ARID1B: variants seen among roughly 807,000 people sequenced by gnomAD.
ARID1B encodes AT-rich interaction domain 1B, also known as AT-rich interactive domain-containing protein 1B.
In ARID1B, 30 loss-of-function variants were observed where a neutral mutation model predicts 212.3. The ratio of observed to expected loss-of-function variants is 0.14; its 90% CI spans 0.11 to 0.19. The LOEUF is 0.19. Among genes scored for constraint, ARID1B ranks in the 10% least tolerant of loss-of-function variants. The pLI, the probability that ARID1B is intolerant of heterozygous loss-of-function variation, is 1.00. For missense variants in ARID1B, 2,891 were observed against 3,204.0 expected (o/e 0.90, Z 2.36); for synonymous variants, 1,402 against 1,301.7 (o/e 1.08, Z -1.66).
intron 1 of ARID1B, among the ~76,000 whole-genome samples, chr6:156,783,191 C>T (rs950932015): frequency 6.6e-6 from 1 of 151,812 alleles, no homozygotes. Context: ...CCATTTTTCT[C>T]AATGTCATAG....
intron 4 of ARID1B, among the ~76,000 whole-genome samples, chr6:157,059,878 A>C (rs1330907819): frequency 6.6e-6 from 1 of 152,204 alleles, no homozygotes; most frequent in Non-Finnish European, 1.5e-5. Flanking sequence ...TTTTAGAACA[A>C]GGAGGGGAAA....
intron 1 of ARID1B, among the ~76,000 whole-genome samples, chr6:156,807,940 T>C (rs1024780531): frequency 2.6e-5 from 4 of 152,206 alleles, no homozygotes; most frequent in African/African-American, 9.7e-5. Flanking sequence ...TGGGTCTGAG[T>C]CCTGCGTGAC....
intron 4 of ARID1B, among the ~76,000 whole-genome samples, chr6:156,979,042 A>G (rs1028403521): frequency 6.6e-6 from 1 of 151,994 alleles, no homozygotes; most frequent in Admixed American, 6.5e-5. Context: ...GTCAGTGCTT[A>G]TGTTTCTGTA....
intron 7 of ARID1B, among the ~76,000 whole-genome samples, chr6:157,139,615 T>G (rs1789191777): frequency 6.6e-6 from 1 of 152,072 alleles, no homozygotes; most frequent in Admixed American, 6.5e-5. Flanking sequence ...ACGCATTCGG[T>G]TCTTACCATA....
At position 156,778,359 on chromosome 6, in the gene ARID1B, G is replaced by T. The variant is rs1378319000; in HGVS notation, c.679G>T (p.Gly227Cys). Residue 227 changes from glycine (G) to cysteine (C), a missense_variant, in exon 1 of 20, where the codon GGC becomes TGC. Around this residue, in one of 7 missense-constraint regions of ARID1B, gnomAD observed 1,643 missense variants for 1,544.0 expected, o/e 1.06. Coordinates refer to ENST00000636930, the MANE Select transcript of ARID1B (RefSeq NM_001374828.1). ...ISNNNSLGGA[G>C]GGAPQPGPDM... ...CAACAACAACAGCTTGGGCGGCGCG[G>T]GCGGCGGCGCGCCTCAGCCCGGCCC... 1 of 1,540,044 alleles carries T rather than the reference G, an allele frequency of 6.5e-7. No individual in the cohort carries two copies.
At chr6:156,954,915 A>C (rs1053388647) in intron 4 of ARID1B, among the ~76,000 whole-genome samples, 2 of 152,256 alleles carry the variant, frequency 1.3e-5, no homozygotes, top group Non-Finnish European at 2.9e-5. Context: ...TGATATCCAC[A>C]ACCAAAGGGC....
At chr6:157,123,569 A>G (rs1199514901) in intron 6 of ARID1B, among the ~76,000 whole-genome samples, 4 of 152,192 alleles carry the variant, frequency 2.6e-5, no homozygotes, top group African/African-American at 9.6e-5. Context: ...AAGGCGTGCC[A>G]GGAGGCTCAC....
At position 156,917,287 on chromosome 6, in the gene ARID1B, C is replaced by T. The variant is rs932471854; in HGVS notation, c.2136+15762C>T. Among the ~76,000 whole-genome samples, 7 of 152,140 alleles carry T rather than the reference C, an allele frequency of 4.6e-5. 1 individual carries two copies. Among genetic ancestry groups the T allele is most frequent in the Admixed American group, 4.6e-4 (7 of 15,268 alleles). ...AAATAATGGGTATTATGAAAGTGTA[C>T]TTATTTACCTCAGGGTCTGTTGGAC... is the stretch of plus-strand genomic sequence containing the variant. On this transcript the variant is annotated intron_variant, in intron 3 of 19. Transcript: ENST00000636930.
At position 156,829,229 on chromosome 6, in the gene ARID1B, C is replaced by A; in HGVS notation, c.1794C>A (p.Gly598=). ...TPGPTMGRSQ[G]SPMDPMVMKR... ...CGACTTCTTTTATGTCTTCACAGGG[C>A]AGCCCAATGGATCCAATGGTGATGA... Residue 598 remains glycine, a splice_region_variant and synonymous_variant, in exon 2 of 20, where the codon GGC becomes GGA. Coordinates refer to ENST00000636930, the MANE Select transcript of ARID1B (RefSeq NM_001374828.1). 6.2e-7 allele frequency: 1 copy of A among 1,610,840 alleles called. No homozygotes were observed.
At chr6:157,120,520 A>G (rs1034969157) in intron 6 of ARID1B, among the ~76,000 whole-genome samples, 1 of 152,240 alleles carries the variant, frequency 6.6e-6, no homozygotes, top group Non-Finnish European at 1.5e-5. Context: ...CATGTTGTGA[A>G]GAGAGGAAGG....
In ARID1B at chr6:157,203,635, G is replaced by C; in HGVS notation, c.5264-231G>C. 1.9e-6 allele frequency: 1 copy of C among 521,012 alleles called. No homozygotes were observed. The highest frequency in any genetic ancestry group is 3.5e-6 in the Non-Finnish European group (1 of 289,376). The allele number at this position is 521,012 out of a possible 1,614,324, so 32.3% of individuals were successfully genotyped here. On this transcript the variant is annotated intron_variant, in intron 18 of 19. Coordinates refer to ENST00000636930, the MANE Select transcript of ARID1B (RefSeq NM_001374828.1). The surrounding 1 kb of genome is among the most constrained non-coding windows in gnomAD (Gnocchi z 4.4). The stretch of plus-strand genomic sequence containing the variant: ...CCACTCCACCTCCAGAAGCACTTTC[G>C]GCCCCTGCGTGACCAACAAAGCGAG...
Position 157,190,171 on chromosome 6 carries a change from T to TGAGCCCA in ARID1B, c.4192_4193insGAGCCCA (p.Tyr1398Ter). On this transcript the variant is annotated stop_gained and frameshift_variant, in exon 15 of 20. Transcript: ENST00000636930. LOFTEE classifies it high-confidence loss of function. This position sits in a 1 kb window ranked among gnomAD's most constrained non-coding sequence, Gnocchi z 4.6. ...GCCCGATGTGATGGGCAGGATGCCCTATGAGCCCAACAAGGACCCCTTTGG... is the reference window on the plus strand; with the variant it reads ...GCCCGATGTGATGGGCAGGATGCCCTGAGCCCAATGAGCCCAACAAGGACCCCTTTGG... The TGAGCCCA allele has an allele frequency of 1.2e-6, 2 of 1,613,948 alleles. No homozygotes were observed. The highest frequency in any genetic ancestry group is 1.7e-6 in the Non-Finnish European group (2 of 1,179,970).
intron 2 of ARID1B, among the ~76,000 whole-genome samples, chr6:156,842,844 C>A (rs1783990220): frequency 1.3e-5 from 2 of 152,170 alleles, no homozygotes; most frequent in African/African-American, 4.8e-5. Context: ...GTAAGTAATA[C>A]TACTCACTTT....
At chr6:157,195,140 A>C (rs925157140) in intron 15 of ARID1B, 3 of 152,250 alleles carry the variant, frequency 2.0e-5, no homozygotes, top group African/African-American at 7.2e-5. Context: ...TTAGCAGCTT[A>C]AAACAACATA....
intron 4 of ARID1B, among the ~76,000 whole-genome samples, chr6:157,054,052 C>T (rs2128386143): frequency 6.6e-6 from 1 of 152,256 alleles, no homozygotes; most frequent in East Asian, 1.9e-4. Context: ...TGGAGAAACC[C>T]CGTCTCTACT....
chr6:157,054,874 G>A (rs922465025), intron 4 of ARID1B, among the ~76,000 whole-genome samples: 4 of 152,216 alleles, frequency 2.6e-5, no homozygotes, highest in Admixed American at 6.5e-5. Context: ...TGTCTCAGCC[G>A]TACCTCATTC....
chr6:156,916,156 A>G (rs1471107309), intron 3 of ARID1B, among the ~76,000 whole-genome samples: 1 of 152,170 alleles, frequency 6.6e-6, no homozygotes, highest in Non-Finnish European at 1.5e-5. Context: ...TGGAAATTCG[A>G]TTGTATCAGG....
intron 12 of ARID1B, among the ~76,000 whole-genome samples, chr6:157,183,402 C>T (rs1418484805): frequency 6.6e-6 from 1 of 152,216 alleles, no homozygotes; most frequent in African/African-American, 2.4e-5. Flanking sequence ...CCACTGTCCC[C>T]TTACCTCCTC....
At chr6:156,870,396 T>C (rs1786032649) in intron 2 of ARID1B, 1 of 152,318 alleles carries the variant, frequency 6.6e-6, no homozygotes, top group African/African-American at 2.4e-5. Context: ...GCTGGCTGTT[T>C]ATAACCAGAT....
Sources: allele counts gnomAD v4.1 joint callset (sites outside exome capture counted in the v4.1 genomes callset), GRCh38; gene constraint gnomAD v4.1.1; regional missense constraint gnomAD v4.1.1; non-coding constraint Gnocchi (gnomAD v3.1); transcripts MANE v1.5; gene names NCBI Gene and HGNC (gene_info 2026-07-23, HGNC 2026-07-21).